PTPRS: variants seen among roughly 807,000 people sequenced by gnomAD.
The protein encoded by PTPRS is protein tyrosine phosphatase receptor type S.
In PTPRS, 63 loss-of-function variants were observed where a neutral mutation model predicts 215.3. That is an observed-to-expected ratio of 0.29 (90% CI 0.24 to 0.36). The LOEUF is 0.36. Ranked by LOEUF, PTPRS falls within the 10% of genes least tolerant of loss-of-function variation. The probability of loss-of-function intolerance (pLI) is 1.00; values close to 1 mark genes in which losing one functional copy is unlikely to be tolerated. For synonymous variants in PTPRS, 1,404 were observed against 1,191.4 expected (o/e 1.18, Z -3.68); for missense variants, 2,258 against 2,825.8 (o/e 0.80, Z 4.56).
intron 17 of PTPRS, 96 bp from the exon 18 acceptor site, chr19:5,223,393 T>C: frequency 7.8e-7 from 1 of 1,278,142 alleles, no homozygotes; most frequent in South Asian, 1.9e-5. Context: ...TCCTTCAATA[T>C]AACATTTTTT....
chr19:5,206,692 G>C lies in PTPRS; in HGVS notation c.*82C>G. The C allele has an allele frequency of 8.0e-7, 1 of 1,251,734 alleles. No homozygotes were observed. The highest frequency in any genetic ancestry group is 1.2e-6 in the Non-Finnish European group (1 of 859,286). The allele number at this position is 1,251,734 out of a possible 1,614,324, so 77.5% of individuals were successfully genotyped here. A position where few individuals can be genotyped will look rare whatever the true frequency, so the allele number is the denominator to read the frequency against. On this transcript the variant is annotated 3_prime_UTR_variant, in exon 38 of 38. Transcript: ENST00000262963. Reference sequence around the variant, plus strand: ...TGCCACCTCCTGCCCTGCCCACTGGGGGTCCAGGCCTCAGGAGGTCCGCCC... The same window carrying C: ...TGCCACCTCCTGCCCTGCCCACTGGCGGTCCAGGCCTCAGGAGGTCCGCCC...
At chr19:5,215,644 C>G in intron 26 of PTPRS, 49 bp from the exon 27 acceptor site, 1 of 1,372,648 alleles carries the variant, frequency 7.3e-7, no homozygotes, top group Non-Finnish European at 1.0e-6. Context: ...GGGGGGCCAG[C>G]CGGGGACTCG....
At chr19:5,217,917 C>G (rs970564060) in intron 25 of PTPRS, among the ~76,000 whole-genome samples, 2 of 152,070 alleles carry the variant, frequency 1.3e-5, no homozygotes, top group Non-Finnish European at 2.9e-5. Flanking sequence ...CTACAGGGAA[C>G]TATAAAGAGG....
rs778277872 is a variant in PTPRS, at chr19:5,212,112, G to A, written c.4908C>T (p.Asp1636=). 1.2e-6 allele frequency: 2 copies of A among 1,614,080 alleles called. No homozygotes were observed. Among genetic ancestry groups the A allele is most frequent in the East Asian group, 2.2e-5 (1 of 44,882 alleles). Residue 1636 remains aspartate, a synonymous_variant, in exon 32 of 38, where the codon GAC becomes GAT. Transcript: ENST00000262963. ...GGGCCTCGTGGATGAAGCTGTACTGGTCCTCCGTCTGCACCATGTAGTTGC... is the reference window on the plus strand; with the variant it reads ...GGGCCTCGTGGATGAAGCTGTACTGATCCTCCGTCTGCACCATGTAGTTGC... ...SQRNYMVQTE[D]QYSFIHEALL... is the part of the protein sequence containing the mutation.
At chr19:5,228,345 G>GAAAAAAAAAAA (rs1491502602) in intron 16 of PTPRS, among the ~76,000 whole-genome samples, 2,101 of 32,924 alleles carry the variant, frequency 0.064, 192 homozygotes, top group African/African-American at 0.19. Flanking sequence ...ACTCCGTCTG[G>GAAAAAAAAAAA]AGAAAAAAAA....
chr19:5,229,965 C>T (rs1459121210), intron 14 of PTPRS, among the ~76,000 whole-genome samples: 3 of 151,788 alleles, frequency 2.0e-5, no homozygotes, highest in Admixed American at 2.0e-4. Context: ...CTTCACCCTA[C>T]ACTGCTTCCA....
chr19:5,311,634 C>G (rs2147156752), intron 1 of PTPRS, among the ~76,000 whole-genome samples: 1 of 152,276 alleles, frequency 6.6e-6, no homozygotes, highest in East Asian at 1.9e-4. Flanking sequence ...AAGAACATTC[C>G]TGTCTCATCA....
At chr19:5,306,998 G>A (rs2049518464) in intron 1 of PTPRS, among the ~76,000 whole-genome samples, 1 of 152,154 alleles carries the variant, frequency 6.6e-6, no homozygotes, top group Non-Finnish European at 1.5e-5. Context: ...ATAGGAGATT[G>A]GTTAAGTAAA....
chr19:5,231,546 C>T lies in PTPRS; in HGVS notation c.1919G>A (p.Arg640His), dbSNP rs150939732. Residue 640 changes from arginine to histidine, a missense_variant, in exon 14 of 38, where the codon CGC becomes CAC. Physicochemically the swap from Arg to His is conservative, Grantham distance 29. Around this residue, in one of 6 missense-constraint regions of PTPRS, gnomAD observed 371 missense variants for 446.7 expected, o/e 0.83. Coordinates refer to ENST00000262963, the MANE Select transcript of PTPRS (RefSeq NM_002850.4). The part of the protein sequence containing the change: ...VRSTAILVSW[R>H]PPPPETHNGA... ...GTTGTGCGTTTCCGGCGGCGGCGGG[C>T]GCCAACTTACCAAAATGGCCGTGGA... is the stretch of plus-strand genomic sequence containing the variant. The T allele has an allele frequency of 3.1e-6, 5 of 1,609,552 alleles. No homozygotes were observed. Among genetic ancestry groups the T allele is most frequent in the East Asian group, 4.5e-5 (2 of 44,688 alleles).
At position 5,234,136 on chromosome 19, in the gene PTPRS, T is replaced by C. The variant is rs551906823; in HGVS notation, c.1850-2521A>G. ...GTAGGTCAGGCATGGTGCCAAGGGC[T>C]TCATAATAATTTACGGAAAATATGG... On this transcript the variant is annotated intron_variant, in intron 13 of 37. Coordinates refer to ENST00000262963, the MANE Select transcript of PTPRS (RefSeq NM_002850.4). 2.0e-5 allele frequency among the ~76,000 whole-genome samples: 3 copies of C among 152,046 alleles called. No individual in the cohort carries two copies. In the South Asian group the frequency reaches 6.3e-4, roughly 32 times the overall value.
At chr19:5,336,706 C>T (rs1028462981) in intron 1 of PTPRS, among the ~76,000 whole-genome samples, 2 of 151,048 alleles carry the variant, frequency 1.3e-5, no homozygotes, top group African/African-American at 4.9e-5. Context: ...ACGAATCCTG[C>T]GAGGAACAGC....
intron 13 of PTPRS, among the ~76,000 whole-genome samples, chr19:5,233,946 C>CAAAAAAAAAAAAAAAAAAAAAAAAAAA (rs57529862): frequency 1.1e-4 from 3 of 27,762 alleles, no homozygotes; most frequent in African/African-American, 2.8e-4. Context: ...ACTCCATCTC[C>CAAAAAAAAAAAAAAAAAAAAAAAAAAA]AAAAAAAAAA....
Position 5,237,049 on chromosome 19 carries a change from A to G in PTPRS, c.1849+1870T>C, listed in dbSNP as rs972563760. Among the ~76,000 whole-genome samples the G allele has an allele frequency of 3.9e-5, 6 of 152,314 alleles. No individual in the cohort carries two copies. Among genetic ancestry groups the G allele is most frequent in the Admixed American group, 1.3e-4 (2 of 15,308 alleles). On this transcript the variant is annotated intron_variant, in intron 13 of 37. Coordinates refer to ENST00000262963, the MANE Select transcript of PTPRS (RefSeq NM_002850.4). The surrounding 1 kb of genome is among the most constrained non-coding windows in gnomAD (Gnocchi z 4.2). Reference sequence around the variant, plus strand: ...CTGGTTACCTACCTTCCACTCTTCAACTGCTAACTTAAAAGACTTTCTTAC... The same window carrying G: ...CTGGTTACCTACCTTCCACTCTTCAGCTGCTAACTTAAAAGACTTTCTTAC...
At chr19:5,239,100 G>GGAGA (rs149487300) in intron 12 of PTPRS, 37 bp from the exon 13 acceptor site, 9 of 1,507,800 alleles carry the variant, frequency 6.0e-6, no homozygotes, top group East Asian at 2.5e-5. Context: ...GAGGGATGGG[G>GGAGA]GAGAGAGAGA....
chr19:5,212,010 C>T lies in PTPRS; in HGVS notation c.5010G>A (p.Gln1670=), dbSNP rs2040944627. The T allele has an allele frequency of 3.7e-6, 6 of 1,613,228 alleles. No individual in the cohort carries two copies. ...CAGTGACGTGTTCGCCAGGCTCCAC[C>T]TGGGCCAGCTTCTGGATGTAGGCAT... ...SLYAYIQKLA[Q]VEPGEHVTGM... Residue 1670 remains glutamine (Q), a synonymous_variant, in exon 32 of 38, where the codon CAG becomes CAA. Transcript: ENST00000262963.
rs1032695235 is a variant in PTPRS at position 5,206,427 on chromosome 19, G to C, written c.*347C>G. On this transcript the variant is annotated 3_prime_UTR_variant, in exon 38 of 38. Transcript: ENST00000262963. Reference sequence around the variant, plus strand: ...TACCACCGCTGGGGGAGGACGAGGGGTCCGTCTATGGTCTGTGCCCCACCC... The same window carrying C: ...TACCACCGCTGGGGGAGGACGAGGGCTCCGTCTATGGTCTGTGCCCCACCC... 7.1e-6 allele frequency: 2 copies of C among 280,914 alleles called. No individual in the cohort carries two copies. Among genetic ancestry groups the C allele is most frequent in the African/African-American group, 4.4e-5 (2 of 45,776 alleles). 17.4% of individuals were successfully genotyped at this position (280,914 alleles called of 1,614,324 possible). A position where few individuals can be genotyped will look rare whatever the true frequency, so the allele number is the denominator to read the frequency against.
At chr19:5,282,747 G>C (rs1480011288) in intron 2 of PTPRS, among the ~76,000 whole-genome samples, 1 of 151,536 alleles carries the variant, frequency 6.6e-6, no homozygotes, top group East Asian at 1.9e-4. Context: ...GGCTGCAGTG[G>C]GAGCCGAGAT....
At chr19:5,296,186 T>G (rs937421298) in intron 1 of PTPRS, among the ~76,000 whole-genome samples, 1 of 151,990 alleles carries the variant, frequency 6.6e-6, no homozygotes, top group Non-Finnish European at 1.5e-5. Context: ...GGGTGACACA[T>G]GAGAAACAAA....
At chr19:5,243,684 C>G (rs1024974976) in intron 11 of PTPRS, among the ~76,000 whole-genome samples, 8 of 152,130 alleles carry the variant, frequency 5.3e-5, no homozygotes, top group African/African-American at 1.9e-4. Context: ...GTTGGCCATG[C>G]TGGTCTCGAA....
Sources: gnomAD v4.1 joint callset for allele counts (sites outside exome capture counted in the v4.1 genomes callset) on GRCh38, gnomAD v4.1.1 for gene constraint, gnomAD v4.1.1 regional missense constraint, Gnocchi (gnomAD v3.1) non-coding constraint, MANE v1.5 for transcripts, NCBI Gene and HGNC (gene_info 2026-07-23, HGNC 2026-07-21) for gene names.